Variants in FRMPD1 observed in about 807,000 individuals in gnomAD.
The protein encoded by FRMPD1 is FERM and PDZ domain containing 1.
FRMPD1 carries 76 observed loss-of-function variants against 117.8 expected under a neutral mutation model. The ratio of observed to expected loss-of-function variants is 0.65; its 90% confidence interval spans 0.54 to 0.78. The LOEUF (loss-of-function observed/expected upper bound fraction) is 0.78, where lower values mean the gene tolerates loss of function less well. Ranked by LOEUF, FRMPD1 falls within the 30% of genes least tolerant of loss-of-function variation. The probability of loss-of-function intolerance (pLI) is 0.00; values close to 1 mark genes in which losing one functional copy is unlikely to be tolerated. For missense variants in FRMPD1, 1,786 were observed against 1,964.5 expected (o/e 0.91, Z 1.72); for synonymous variants, 783 against 770.4 (o/e 1.02, Z -0.27).
chr9:37,667,293 T>TGAC (rs369832064), intron 1 of FRMPD1, among the ~76,000 whole-genome samples: 7 of 150,638 alleles, frequency 4.6e-5, no homozygotes, highest in African/African-American at 1.7e-4. Flanking sequence ...CTAGAACTCC[T>TGAC]GACCTCAAGC....
intron 6 of FRMPD1, among the ~76,000 whole-genome samples, chr9:37,723,331 G>A (rs375596918): frequency 1.4e-4 from 22 of 152,150 alleles, no homozygotes; most frequent in African/African-American, 4.8e-4. Flanking sequence ...GCACAGGCTC[G>A]CGCAGTGCTA....
At chr9:37,664,145 A>T (rs551635593) in intron 1 of FRMPD1, among the ~76,000 whole-genome samples, 14 of 151,982 alleles carry the variant, frequency 9.2e-5, no homozygotes, top group Middle Eastern at 6.8e-3. Context: ...GGAACTGTGA[A>T]ATGTTTCCTG....
At position 37,746,324 on chromosome 9, in the gene FRMPD1, A is replaced by G. The variant is rs534987716; in HGVS notation, c.4292A>G (p.Glu1431Gly). 5.6e-6 allele frequency: 9 copies of G among 1,612,760 alleles called. No homozygotes were observed. Among genetic ancestry groups the G allele is most frequent in the African/African-American group, 1.3e-5 (1 of 75,054 alleles). ...ATCCAACTCATGGAGAGCTTGCTGG[A>G]GCTACAAGACATTTTAGAAACTTCC... ...GFIQLMESLLELQDILETSWG... is the reference protein window; with the variant it reads ...GFIQLMESLLGLQDILETSWG... Residue 1431 changes from glutamate to glycine, a missense_variant, in exon 16 of 16, where the codon GAG becomes GGG. Transcript: ENST00000377765.
At chr9:37,638,041 T>TCTCTCTCTTTCTTC in the FRMPD1 span, among the ~76,000 whole-genome samples, 1 of 146,442 alleles carries the variant, frequency 6.8e-6, no homozygotes, top group Non-Finnish European at 1.5e-5. Flanking sequence ...TTTCTTCCTT[T>TCTCTCTCTTTCTTC]CTTTCTTTCC....
intron 1 of FRMPD1, among the ~76,000 whole-genome samples, chr9:37,692,041 A>G (rs904271087): frequency 1.3e-5 from 2 of 152,252 alleles, no homozygotes; most frequent in South Asian, 2.1e-4. Context: ...CACTGTCTAC[A>G]TATTTTTTAT....
chr9:37,707,360 G>A (rs547516918), intron 2 of FRMPD1, 56 bp from the exon 3 acceptor site: 53 of 1,505,376 alleles, frequency 3.5e-5, no homozygotes, highest in South Asian at 2.9e-4. Flanking sequence ...GACCCAGTTC[G>A]TGACCAACAA....
At chr9:37,692,338 C>T (rs1481005079) in intron 1 of FRMPD1, among the ~76,000 whole-genome samples, 2 of 152,144 alleles carry the variant, frequency 1.3e-5, no homozygotes, top group Non-Finnish European at 2.9e-5. Context: ...AGGTGTATCT[C>T]TTCCTATGGG....
intron 6 of FRMPD1, among the ~76,000 whole-genome samples, chr9:37,722,946 T>A (rs1052883269): frequency 2.7e-4 from 41 of 152,284 alleles, no homozygotes; most frequent in Middle Eastern, 3.4e-3. Flanking sequence ...CCTCTCCTGC[T>A]CCATCCCAGG....
At chr9:37,636,078 G>T in the FRMPD1 span, among the ~76,000 whole-genome samples, 1 of 152,188 alleles carries the variant, frequency 6.6e-6, no homozygotes, top group African/African-American at 2.4e-5. Context: ...GCCGCTACCC[G>T]CCCAGCCGCC....
chr9:37,685,522 G>C (rs911786038), intron 1 of FRMPD1, among the ~76,000 whole-genome samples: 23 of 152,066 alleles, frequency 1.5e-4, no homozygotes, highest in Non-Finnish European at 1.8e-4. Context: ...CGTGGTGGCG[G>C]GCGCCTGTAG....
intron 5 of FRMPD1, among the ~76,000 whole-genome samples, chr9:37,713,253 G>A (rs1177388378): frequency 1.3e-5 from 2 of 152,120 alleles, no homozygotes; most frequent in East Asian, 3.8e-4. Context: ...TATGATATTG[G>A]TGAAATGTTG....
chr9:37,642,609 C>A, the FRMPD1 span, among the ~76,000 whole-genome samples: 4 of 152,092 alleles, frequency 2.6e-5, no homozygotes, highest in Admixed American at 6.5e-5. Context: ...TTGGCAAGGA[C>A]GATTTGTGGG....
At chr9:37,664,750 CA>C (rs1478634007) in intron 1 of FRMPD1, among the ~76,000 whole-genome samples, 1 of 152,110 alleles carries the variant, frequency 6.6e-6, no homozygotes, top group Non-Finnish European at 1.5e-5. Flanking sequence ...CAAATAAAAT[CA>C]GCAATAAAAG....
chr9:37,641,960 G>A, the FRMPD1 span, among the ~76,000 whole-genome samples: 3 of 152,228 alleles, frequency 2.0e-5, no homozygotes, highest in Non-Finnish European at 4.4e-5. Flanking sequence ...TTTTGTAGGT[G>A]AAGATCTCTC....
the FRMPD1 span, among the ~76,000 whole-genome samples, chr9:37,626,324 A>G: frequency 2.0e-5 from 3 of 151,184 alleles, no homozygotes; most frequent in Non-Finnish European, 4.4e-5. Context: ...GCGAGACTCC[A>G]TCTGAAAAAA....
At chr9:37,680,503 T>C (rs958190510) in intron 1 of FRMPD1, among the ~76,000 whole-genome samples, 1 of 152,180 alleles carries the variant, frequency 6.6e-6, no homozygotes, top group Non-Finnish European at 1.5e-5. Context: ...ACGCAGACCA[T>C]GTTTTGCAGG....
Position 37,692,762 on chromosome 9 carries a change from A to G in FRMPD1, c.101+20A>G, listed in dbSNP as rs750595843. Reference sequence around the variant, plus strand: ...GGCCCGGTAAGCCTCCTGAGTTTGCAGATTTCTGTCTATAAAGGTCTGGTG... The same window carrying G: ...GGCCCGGTAAGCCTCCTGAGTTTGCGGATTTCTGTCTATAAAGGTCTGGTG... On this transcript the variant is annotated intron_variant, in intron 2 of 15. Coordinates refer to ENST00000377765, the MANE Select transcript of FRMPD1 (RefSeq NM_014907.3). 3.8e-6 allele frequency: 6 copies of G among 1,568,372 alleles called. 1 individual carries two copies. Among genetic ancestry groups the G allele is most frequent in the South Asian group, 3.3e-5 (3 of 90,142 alleles).
In FRMPD1 at chr9:37,717,715, A is replaced by G. The variant is rs543007020; in HGVS notation, c.409-1354A>G. Among the ~76,000 whole-genome samples the G allele has an allele frequency of 2.8e-3, 428 of 152,218 alleles. 8 individuals carry two copies. The highest frequency in any genetic ancestry group is 4.3e-4 in the Non-Finnish European group (29 of 68,008). ...AAGAATTAACGACAAACTAATCAAT[A>G]TGTGTTTTCCTAAATCCTCCATGTT... On this transcript the variant is annotated intron_variant, in intron 5 of 15. Coordinates refer to ENST00000377765, the MANE Select transcript of FRMPD1 (RefSeq NM_014907.3).
intron 2 of FRMPD1, among the ~76,000 whole-genome samples, chr9:37,705,926 C>T (rs1822685758): frequency 6.6e-6 from 1 of 150,694 alleles, no homozygotes; most frequent in Non-Finnish European, 1.5e-5. Flanking sequence ...TGCCACTGCA[C>T]TCTAGCCTGA....
Sources: gnomAD v4.1 joint callset for allele counts (sites outside exome capture counted in the v4.1 genomes callset) on GRCh38, gnomAD v4.1.1 for gene constraint, MANE v1.5 for transcripts, NCBI Gene and HGNC (gene_info 2026-07-23, HGNC 2026-07-21) for gene names.